The following TENM3 variants were observed in gnomAD, a reference collection of about 807,000 sequenced individuals.
TENM3 encodes the protein teneurin transmembrane protein 3.
In TENM3, 63 loss-of-function variants were observed where a neutral mutation model predicts 255.1. That is an observed-to-expected ratio of 0.25 (90% CI 0.20 to 0.30). The LOEUF is 0.30. Among genes scored for constraint, TENM3 ranks in the 10% least tolerant of loss-of-function variants. TENM3 has a pLI of 1.00. For missense variants in TENM3, 2,929 were observed against 3,461.1 expected (o/e 0.85, Z 3.86); for synonymous variants, 1,306 against 1,322.3 (o/e 0.99, Z 0.27).
At chr4:182,222,949 G>A (rs947763890) in intron 1 of TENM3, among the ~76,000 whole-genome samples, 2 of 152,136 alleles carry the variant, frequency 1.3e-5, no homozygotes, top group African/African-American at 4.8e-5. Flanking sequence ...CCTTTGGAGA[G>A]AGTCAAGCAT....
At chr4:182,084,377 A>G in the TENM3 span, among the ~76,000 whole-genome samples, 1 of 152,206 alleles carries the variant, frequency 6.6e-6, no homozygotes, top group African/African-American at 2.4e-5. Flanking sequence ...AATTATTTTA[A>G]TAATCACACT....
the TENM3 span, among the ~76,000 whole-genome samples, chr4:181,507,578 GT>G: frequency 6.6e-6 from 1 of 152,192 alleles, no homozygotes; most frequent in African/African-American, 2.4e-5. Context: ...CTGTGGAAAG[GT>G]GGCCCTTGCC....
Position 182,389,691 on chromosome 4 carries a change from C to CTTTTT in TENM3, c.511+42770_511+42774dup, listed in dbSNP as rs3072378. ...CAAAGCTGCACTGCAGTAGATGACT[C>CTTTTT]TTTTTTTTTTTTGAGACGGAGTCTC... is the stretch of plus-strand genomic sequence containing the variant. On this transcript the variant is annotated intron_variant, in intron 3 of 27. Coordinates refer to ENST00000511685, the MANE Select transcript of TENM3 (RefSeq NM_001080477.4). Among the ~76,000 whole-genome samples the CTTTTT allele has an allele frequency of 1.4e-4, 18 of 133,202 alleles. 7 individuals are homozygous for CTTTTT. Among genetic ancestry groups the CTTTTT allele is most frequent in the Non-Finnish European group, 1.7e-4 (11 of 64,058 alleles). 87.4% of individuals were successfully genotyped at this position (133,202 alleles called of 152,430 possible). A position where few individuals can be genotyped will look rare whatever the true frequency, so the allele number is the denominator to read the frequency against.
intron 2 of TENM3, among the ~76,000 whole-genome samples, chr4:182,336,124 T>C (rs570490385): frequency 1.3e-5 from 2 of 152,278 alleles, no homozygotes; most frequent in South Asian, 4.1e-4. Flanking sequence ...GGTACATTTG[T>C]TCAAAGAGAC....
chr4:181,787,337 C>T, the TENM3 span, among the ~76,000 whole-genome samples: 2 of 146,026 alleles, frequency 1.4e-5, no homozygotes, highest in African/African-American at 5.2e-5. Flanking sequence ...TTGCTACATC[C>T]ATCTTTTTTT....
the TENM3 span, among the ~76,000 whole-genome samples, chr4:181,675,865 G>C: frequency 2.0e-5 from 3 of 152,152 alleles, no homozygotes; most frequent in Admixed American, 1.3e-4. Context: ...GCTCCAGTTT[G>C]AGTTGGGTTA....
chr4:182,583,332 TC>T, intron 3 of TENM3, among the ~76,000 whole-genome samples: 1 of 132,482 alleles, frequency 7.5e-6, no homozygotes, highest in Non-Finnish European at 1.6e-5. Context: ...AGCTTAAACC[TC>T]TGTGTGTGTG....
At chr4:181,552,573 G>T in the TENM3 span, among the ~76,000 whole-genome samples, 43,625 of 152,058 alleles carry the variant, frequency 0.29, 6,537 homozygotes, top group Middle Eastern at 0.39. Context: ...TAAACCAAAA[G>T]CTTCTCTGAG....
At chr4:181,885,253 A>G in the TENM3 span, among the ~76,000 whole-genome samples, 1 of 152,190 alleles carries the variant, frequency 6.6e-6, no homozygotes, top group Non-Finnish European at 1.5e-5. Context: ...CAAAAACTTT[A>G]AAGAGATTCA....
In TENM3 at chr4:182,169,987, T is replaced by A. The variant is rs534339680; in HGVS notation, c.-76+25233T>A. On this transcript the variant is annotated intron_variant, in intron 1 of 2. Coordinates refer to the TENM3 transcript ENST00000512480. ...TTTCCGATTGTTGTGAATGACAAATTTAAGTGTACTTTCATTGAAGAATGA... is the reference window on the plus strand; with the variant it reads ...TTTCCGATTGTTGTGAATGACAAATATAAGTGTACTTTCATTGAAGAATGA... 4.0e-4 allele frequency among the ~76,000 whole-genome samples: 60 copies of A among 151,460 alleles called. No individual in the cohort carries two copies. The South Asian group carries it at 6.1e-3, about 15-fold the overall frequency.
rs200560090 is a variant in TENM3 at position 182,679,744 on chromosome 4, G to A, written c.1405G>A (p.Gly469Arg). The A allele has an allele frequency of 3.3e-4, 529 of 1,613,830 alleles. 1 individual carries two copies. Among genetic ancestry groups the A allele is most frequent in the Middle Eastern group, 1.7e-3 (10 of 5,940 alleles). ...GAGCCTGCTTGAGACGGAGAGAGCC[G>A]GGCGGCAGGCGAGATCCGTCAGCCT... Reference protein sequence around the residue: ...QRSLLETERAGRQARSVSLHE... With the variant: ...QRSLLETERARRQARSVSLHE... Residue 469 changes from glycine to arginine, a missense_variant, in exon 8 of 28, where the codon GGG (glycine) becomes AGG (arginine). Gly to Arg is a moderately radical substitution (Grantham distance 125, BLOSUM62 -2). Transcript: ENST00000511685.
At chr4:182,432,197 T>A in intron 3 of TENM3, among the ~76,000 whole-genome samples, 1 of 152,046 alleles carries the variant, frequency 6.6e-6, no homozygotes, top group Non-Finnish European at 1.5e-5. Context: ...GAAGACGACA[T>A]GAAATGCCAA....
At chr4:182,284,867 G>A (rs10520523) in intron 1 of TENM3, among the ~76,000 whole-genome samples, 4,652 of 152,240 alleles carry the variant, frequency 0.031, 250 homozygotes, top group African/African-American at 0.11. Flanking sequence ...ATTCTATTAA[G>A]CATCAAAGGA....
the TENM3 span, among the ~76,000 whole-genome samples, chr4:181,802,008 A>C: frequency 1.3e-5 from 2 of 152,142 alleles, no homozygotes; most frequent in Admixed American, 6.5e-5. Flanking sequence ...CTTAAAGAAG[A>C]TTCAGTTCAG....
At chr4:182,003,437 C>T in the TENM3 span, among the ~76,000 whole-genome samples, 1 of 152,028 alleles carries the variant, frequency 6.6e-6, no homozygotes, top group Non-Finnish European at 1.5e-5. Flanking sequence ...CAGCTTGAAA[C>T]TAAGTAAACA....
intron 1 of TENM3, among the ~76,000 whole-genome samples, chr4:182,267,688 T>C (rs1759328777): frequency 6.7e-6 from 1 of 148,962 alleles, no homozygotes; most frequent in South Asian, 2.1e-4. Context: ...ATTCCTTCTG[T>C]GGAACAAAGT....
the TENM3 span, among the ~76,000 whole-genome samples, chr4:181,498,420 A>G: frequency 6.6e-6 from 1 of 152,096 alleles, no homozygotes; most frequent in African/African-American, 2.4e-5. Context: ...AGTTCTAAAC[A>G]TCCTGTCTCA....
the TENM3 span, among the ~76,000 whole-genome samples, chr4:182,077,593 T>A: frequency 0.022 from 3,315 of 152,240 alleles, 79 homozygotes; most frequent in African/African-American, 0.059. Flanking sequence ...AGGAAGGACT[T>A]CCCTGAGGAA....
chr4:182,076,731 T>G, the TENM3 span, among the ~76,000 whole-genome samples: 1 of 152,278 alleles, frequency 6.6e-6, no homozygotes, highest in Admixed American at 6.5e-5. Context: ...ACCTTTTTGG[T>G]AAAGGGCCAA....
Sources: allele counts gnomAD v4.1 joint callset (sites outside exome capture counted in the v4.1 genomes callset), GRCh38; gene constraint gnomAD v4.1.1; transcripts MANE v1.5; gene names NCBI Gene and HGNC (gene_info 2026-07-23, HGNC 2026-07-21).